The following VPS13B variants were observed in gnomAD, a reference collection of about 807,000 sequenced individuals.
VPS13B encodes the protein vacuolar protein sorting 13 homolog B.
Under a neutral mutation model 426.4 loss-of-function variants are expected in VPS13B, and 285 were observed. That is an observed-to-expected ratio of 0.67 (90% CI 0.61 to 0.74). The LOEUF is 0.74. Among genes scored for constraint, VPS13B ranks in the 30% least tolerant of loss-of-function variants. The pLI, the probability that VPS13B is intolerant of heterozygous loss-of-function variation, is 0.00. For synonymous variants in VPS13B, 1,676 were observed against 1,676.4 expected, an observed-to-expected ratio of 1.00 and a Z score of 0.01; for missense variants, 4,537 against 4,782.6, an observed-to-expected ratio of 0.95 and a Z score of 1.51.
At chr8:99,111,453 T>A (rs1847363783) in intron 6 of VPS13B, among the ~76,000 whole-genome samples, 174 bp downstream of exon 6, 1 of 152,110 alleles carries the variant, frequency 6.6e-6, no homozygotes, top group Non-Finnish European at 1.5e-5. Context: ...TTTATACATT[T>A]CTGTATAACG....
At chr8:99,015,769 G>A (rs1841581436) in intron 2 of VPS13B, among the ~76,000 whole-genome samples, 1 of 151,962 alleles carries the variant, frequency 6.6e-6, no homozygotes, top group South Asian at 2.1e-4. Flanking sequence ...TGGGCTTGGT[G>A]GCATGTGCCT....
intron 33 of VPS13B, among the ~76,000 whole-genome samples, chr8:99,616,561 C>T (rs1828098324): frequency 6.6e-6 from 1 of 152,248 alleles, no homozygotes; most frequent in Admixed American, 6.5e-5. Context: ...GGCGCAGTGG[C>T]TCATGCCTGT....
At chr8:99,658,055 T>C (rs1380327049) in intron 34 of VPS13B, among the ~76,000 whole-genome samples, 1 of 152,146 alleles carries the variant, frequency 6.6e-6, no homozygotes, top group Non-Finnish European at 1.5e-5. Context: ...CTGAGCAGAG[T>C]TTTCCTATTT....
At chr8:99,293,115 G>A (rs1235137238) in intron 19 of VPS13B, among the ~76,000 whole-genome samples, 1 of 151,002 alleles carries the variant, frequency 6.6e-6, no homozygotes, top group Non-Finnish European at 1.5e-5. Context: ...CAAAGCTGGA[G>A]GCATCACACT....
chr8:99,642,280 AT>A lies in VPS13B; in HGVS notation c.5691del (p.His1897GlnfsTer14), dbSNP rs1303714157. On this transcript the variant is annotated frameshift_variant, in exon 34 of 62. Coordinates refer to ENST00000357162, the MANE Select transcript of VPS13B (RefSeq NM_152564.5). LOFTEE classifies it high-confidence loss of function. ...GGGGTCCTCTCTCTTGAAAGTCTTC[AT>A]GCATCCACAAGGTCATCTGCTAGAC... ...KIGVLSLESLHASTRSSARQA... is the reference protein window; with the variant it reads ...KIGVLSLESLXASTRSSARQA... The A allele has an allele frequency of 6.2e-7, 1 of 1,614,036 alleles. No individual in the cohort carries two copies. Among genetic ancestry groups the A allele is most frequent in the Non-Finnish European group, 8.5e-7 (1 of 1,180,018 alleles).
chr8:99,542,882 T>C (rs1823705571), intron 30 of VPS13B, among the ~76,000 whole-genome samples: 2 of 151,968 alleles, frequency 1.3e-5, no homozygotes, highest in Admixed American at 1.3e-4. Context: ...CATTTAAAAC[T>C]TGTCTGGTAC....
At chr8:99,527,601 G>T (rs1822715426) in intron 30 of VPS13B, among the ~76,000 whole-genome samples, 1 of 152,022 alleles carries the variant, frequency 6.6e-6, no homozygotes. Flanking sequence ...ACCTGAAGTT[G>T]TTTCTTTATC....
At chr8:99,337,169 A>G (rs1351490103) in intron 19 of VPS13B, among the ~76,000 whole-genome samples, 1 of 152,124 alleles carries the variant, frequency 6.6e-6, no homozygotes, top group Admixed American at 6.5e-5. Flanking sequence ...TACACCATGG[A>G]ATACTATGCA....
chr8:99,059,355 G>T (rs953236229), intron 3 of VPS13B, among the ~76,000 whole-genome samples: 1 of 151,992 alleles, frequency 6.6e-6, no homozygotes, highest in African/African-American at 2.4e-5. Flanking sequence ...TTGTATTTTT[G>T]GTAGAGACGG....
intron 21 of VPS13B, among the ~76,000 whole-genome samples, chr8:99,417,279 T>C (rs912778285): frequency 6.6e-6 from 1 of 152,174 alleles, no homozygotes; most frequent in African/African-American, 2.4e-5. Context: ...GTGGGAAGGG[T>C]GCTATTGAAA....
chr8:99,568,301 T>TA (rs58958034), intron 31 of VPS13B, among the ~76,000 whole-genome samples: 13 of 150,536 alleles, frequency 8.6e-5, no homozygotes, highest in Admixed American at 2.6e-4. Flanking sequence ...TTATTATTAT[T>TA]TTTTTTTGAG....
rs575963510 is a variant in VPS13B, at chr8:99,067,345, G to A, written c.291+28779G>A. On this transcript the variant is annotated intron_variant, in intron 3 of 61. Transcript: ENST00000357162. ...AGGATGAGTTCATGTCCTTTGTAGGGACATGGATGCAGCTGGAAACAATCA... is the reference window on the plus strand; with the variant it reads ...AGGATGAGTTCATGTCCTTTGTAGGAACATGGATGCAGCTGGAAACAATCA... 1.3e-3 allele frequency among the ~76,000 whole-genome samples: 204 copies of A among 152,258 alleles called. 2 individuals carry two copies. Among genetic ancestry groups the A allele is most frequent in the Non-Finnish European group, 2.0e-3 (135 of 68,028 alleles).
At chr8:99,413,180 T>C (rs568760089) in intron 21 of VPS13B, among the ~76,000 whole-genome samples, 22 of 151,780 alleles carry the variant, frequency 1.4e-4, no homozygotes, top group African/African-American at 4.6e-4. Flanking sequence ...TTTGAATCCA[T>C]AGGGTCCTGG....
rs1315630243 is a variant in VPS13B at position 99,853,908 on chromosome 8, T to C, written c.10519T>C (p.Tyr3507His). The stretch of plus-strand genomic sequence containing the variant: ...CTTTGAATTAAAACCTGCTCGGTTA[T>C]ACGTGGAAGACACATTTGTATACTA... ...FSFELKPARL[Y>H]VEDTFVYYIK... Residue 3507 changes from tyrosine to histidine, a missense_variant, in exon 56 of 62, where the codon TAC (tyrosine) becomes CAC (histidine). Tyr to His is a moderately conservative substitution (Grantham distance 83). Coordinates refer to ENST00000357162, the MANE Select transcript of VPS13B (RefSeq NM_152564.5). The C allele has an allele frequency of 1.2e-6, 2 of 1,614,252 alleles. No homozygotes were observed. The highest frequency in any genetic ancestry group is 4.5e-5 in the East Asian group (2 of 44,890).
intron 31 of VPS13B, among the ~76,000 whole-genome samples, chr8:99,562,574 C>T (rs757732240): frequency 1.3e-5 from 2 of 152,146 alleles, no homozygotes; most frequent in Non-Finnish European, 1.5e-5. Context: ...AGCCACCGCA[C>T]CTGGCCTTTT....
intron 51 of VPS13B, among the ~76,000 whole-genome samples, chr8:99,829,726 C>T (rs183503142): frequency 6.6e-6 from 1 of 152,300 alleles, no homozygotes; most frequent in African/African-American, 2.4e-5. Context: ...TCCTCATCTT[C>T]ATGGATTTAT....
At chr8:99,568,426 G>A (rs565847622) in intron 31 of VPS13B, among the ~76,000 whole-genome samples, 1 of 151,910 alleles carries the variant, frequency 6.6e-6, no homozygotes, top group Non-Finnish European at 1.5e-5. Context: ...AAGTAGCTGG[G>A]ACTACAGGCC....
chr8:99,736,833 G>A (rs3133035), intron 39 of VPS13B, among the ~76,000 whole-genome samples: 152,238 of 152,240 alleles, frequency 1, 76,118 homozygotes, highest in Middle Eastern at 1. Context: ...TAATAATCTC[G>A]TTCAGTCCTC....
rs909484794 is a variant in VPS13B at position 99,169,330 on chromosome 8, T to C, written c.2209-709T>C. ...ATCATCAGTTCTCTACAGTATTTCA[T>C]GTAACGTGATGTTATGTTGTTTCTT... On this transcript the variant is annotated intron_variant, in intron 15 of 61. Transcript: ENST00000357162. Among the ~76,000 whole-genome samples, 14 of 152,042 alleles carry C rather than the reference T, an allele frequency of 9.2e-5. 1 individual carries two copies. The highest frequency in any genetic ancestry group is 1.5e-4 in the Non-Finnish European group (10 of 67,870).
Sources: allele counts gnomAD v4.1 joint callset (sites outside exome capture counted in the v4.1 genomes callset), GRCh38; gene constraint gnomAD v4.1.1; transcripts MANE v1.5; gene names NCBI Gene and HGNC (gene_info 2026-07-23, HGNC 2026-07-21).